PARVG: variants seen among roughly 807,000 people sequenced by gnomAD.
The protein encoded by PARVG is parvin gamma.
PARVG carries 36 observed loss-of-function variants against 44.4 expected under a neutral mutation model. That is an observed-to-expected ratio of 0.81 (90% CI 0.62 to 1.07). The LOEUF (loss-of-function observed/expected upper bound fraction) is 1.07, where lower values mean the gene tolerates loss of function less well. Ranked by LOEUF, PARVG falls within the 50% of genes least tolerant of loss-of-function variation. The pLI, the probability that PARVG is intolerant of heterozygous loss-of-function variation, is 0.00. For missense variants in PARVG, 407 were observed against 407.4 expected (o/e 1.00, Z 0.01); for synonymous variants, 170 against 174.1 (o/e 0.98, Z 0.19).
chr22:44,195,975 C>A, intron 9 of PARVG, 180 bp from the exon 10 acceptor site: 1 of 639,672 alleles, frequency 1.6e-6, no homozygotes, highest in Non-Finnish European at 2.7e-6. Context: ...TCCCCTGGGG[C>A]CACACGGCCA....
chr22:44,184,627 A>G (rs1254058040), intron 3 of PARVG: 3 of 152,284 alleles, frequency 2.0e-5, no homozygotes, highest in African/African-American at 7.2e-5. Context: ...GGCGTGAGCC[A>G]CTGCACCCAG....
At chr22:44,197,364 A>G (rs991427009) in intron 11 of PARVG, among the ~76,000 whole-genome samples, 15 of 152,186 alleles carry the variant, frequency 9.9e-5, no homozygotes, top group African/African-American at 3.4e-4. Flanking sequence ...TGAAGTGGGA[A>G]CTGTACTACC....
chr22:44,180,531 C>T (rs1316437913), upstream of PARVG, among the ~76,000 whole-genome samples: 2 of 152,150 alleles, frequency 1.3e-5, no homozygotes, highest in Non-Finnish European at 2.9e-5. Flanking sequence ...TGCACGGTGG[C>T]TTCTCTCCCC....
chr22:44,191,752 GC>G (rs1207784116), intron 7 of PARVG, among the ~76,000 whole-genome samples: 1 of 152,100 alleles, frequency 6.6e-6, no homozygotes, highest in Non-Finnish European at 1.5e-5. Context: ...CAGTTGTGTG[GC>G]TTGGTCTATA....
At chr22:44,189,451 T>A (rs1412875951) in intron 6 of PARVG, among the ~76,000 whole-genome samples, 197 bp downstream of exon 6, 1 of 152,116 alleles carries the variant, frequency 6.6e-6, no homozygotes, top group African/African-American at 2.4e-5. Context: ...CCAGCACACA[T>A]CTGTGCCCTA....
intron 4 of PARVG, chr22:44,187,299 T>C (rs532056571): frequency 6.9e-4 from 125 of 180,740 alleles, no homozygotes; most frequent in African/African-American, 2.8e-3. Context: ...TGTGGATGCA[T>C]CACTGCAGTC....
At chr22:44,188,038 A>T in intron 5 of PARVG, 160 bp downstream of exon 5, 1 of 746,028 alleles carries the variant, frequency 1.3e-6, no homozygotes, top group East Asian at 2.7e-5. Context: ...GGGGAGATGG[A>T]GGCGCTGTCC....
Position 44,182,915 on chromosome 22 carries a change from T to C in PARVG, c.-12-403T>C, listed in dbSNP as rs2054404254. 1.1e-5 allele frequency: 2 copies of C among 177,760 alleles called. No individual in the cohort carries two copies. Among genetic ancestry groups the C allele is most frequent in the South Asian group, 2.5e-4 (2 of 7,934 alleles). The allele number at this position is 177,760 out of a possible 1,614,324, so 11.0% of individuals were successfully genotyped here. A position where few individuals can be genotyped will look rare whatever the true frequency, so the allele number is the denominator to read the frequency against. On this transcript the variant is annotated intron_variant, in intron 2 of 13. Transcript: ENST00000444313. The surrounding 1 kb of genome is among the most constrained non-coding windows in gnomAD (Gnocchi z 4.6). The stretch of plus-strand genomic sequence containing the variant: ...CCCACACAGGCCGACCGGGGAGGTT[T>C]CCCTTGAGCTCAACCTGACAAGCTC...
chr22:44,174,996 C>T lies in PARVG; in HGVS notation c.-189+1805C>T, dbSNP rs1440839828. 2.0e-5 allele frequency among the ~76,000 whole-genome samples: 3 copies of T among 152,222 alleles called. No individual in the cohort carries two copies. The East Asian group carries it at 5.8e-4, about 29-fold the overall frequency. On this transcript the variant is annotated intron_variant, in intron 1 of 13. Transcript: ENST00000422871. ...AATTAGCTGGGCGTGGTGCCAGGCA[C>T]CTGTAATCCCAGCTACTAGGGAGGC...
At chr22:44,181,712 G>A (rs1025664396) in intron 1 of PARVG, 30 bp from the exon 2 acceptor site, 19 of 985,222 alleles carry the variant, frequency 1.9e-5, no homozygotes, top group Non-Finnish European at 2.2e-5. Context: ...TCACTTTCAC[G>A]GCATCCACCC....
At chr22:44,175,478 CA>C (rs2054310438) in intron 1 of PARVG, among the ~76,000 whole-genome samples, 1 of 152,270 alleles carries the variant, frequency 6.6e-6, no homozygotes, top group South Asian at 2.1e-4. Context: ...TGGGGTTGGG[CA>C]GCTCAGAATT....
At chr22:44,200,106 C>T (rs1046845228) in intron 12 of PARVG, among the ~76,000 whole-genome samples, 1 of 152,226 alleles carries the variant, frequency 6.6e-6, no homozygotes. Context: ...CCCCGCCAGG[C>T]CCCTGTGGTG....
rs1601726491 is a variant in PARVG, at chr22:44,181,748, G to A, written c.-182G>A. 1.0e-6 allele frequency: 1 copy of A among 985,468 alleles called. No homozygotes were observed. Among genetic ancestry groups the A allele is most frequent in the East Asian group, 1.1e-4 (1 of 8,808 alleles). The allele number at this position is 985,468 out of a possible 1,614,324, so 61.0% of individuals were successfully genotyped here. On this transcript the variant is annotated 5_prime_UTR_variant, in exon 2 of 14. Coordinates refer to ENST00000444313, the MANE Select transcript of PARVG (RefSeq NM_022141.7). The stretch of plus-strand genomic sequence containing the variant: ...CCCTCGGGCCCTGCCGCAGAGAGGA[G>A]GAAGCTCCTGCCGGCTGAGCGGGCC...
intron 7 of PARVG, 26 bp downstream of exon 7, chr22:44,190,692 G>A: frequency 6.3e-7 from 1 of 1,575,750 alleles, no homozygotes; most frequent in South Asian, 1.1e-5. Flanking sequence ...CCAGGGATTT[G>A]TAAGCAGAAG....
At chr22:44,198,922 CTA>C (rs2054658031) in intron 12 of PARVG, among the ~76,000 whole-genome samples, 200 bp downstream of exon 12, 1 of 90,252 alleles carries the variant, frequency 1.1e-5, no homozygotes, top group African/African-American at 3.6e-5. Context: ...ATCCATCCAT[CTA>C]CCCATCCATC....
intron 12 of PARVG, among the ~76,000 whole-genome samples, chr22:44,204,874 C>G (rs1047294597): frequency 3.3e-5 from 5 of 152,186 alleles, no homozygotes; most frequent in African/African-American, 1.2e-4. Context: ...AGGGCTGGGA[C>G]CTACTCTGCT....
At position 44,181,806 on chromosome 22, in the gene PARVG, C is replaced by G. The variant is rs941896487; in HGVS notation, c.-124C>G. 2.0e-6 allele frequency: 2 copies of G among 985,354 alleles called. No homozygotes were observed. Among genetic ancestry groups the G allele is most frequent in the South Asian group, 4.7e-5 (1 of 21,294 alleles). The allele number at this position is 985,354 out of a possible 1,614,324, so 61.0% of individuals were successfully genotyped here. A position where few individuals can be genotyped will look rare whatever the true frequency, so the allele number is the denominator to read the frequency against. ...AGTGAGCAGCGGGGCTCCTGCCTCC[C>G]GGCCTGGTCCCCGAAGACCCCAGAA... is the stretch of plus-strand genomic sequence containing the variant. On this transcript the variant is annotated 5_prime_UTR_variant, in exon 2 of 14. Coordinates refer to ENST00000444313, the MANE Select transcript of PARVG (RefSeq NM_022141.7).
chr22:44,188,603 T>A (rs2054506878), intron 5 of PARVG: 1 of 163,556 alleles, frequency 6.1e-6, no homozygotes, highest in African/African-American at 2.4e-5. Context: ...GCAGGTGCAG[T>A]TCATCCTCAG....
In PARVG at chr22:44,196,150, T is replaced by A. The variant is rs571194661; in HGVS notation, c.584-5T>A. On this transcript the variant is annotated splice_polypyrimidine_tract_variant and splice_region_variant and intron_variant, in intron 9 of 13. Transcript: ENST00000444313. ...ATGAGGTGTTTATTGGATCTGTGTC[T>A]GCAGAGGACGTCTTTGATGAATTAT... The A allele has an allele frequency of 6.2e-7, 1 of 1,614,186 alleles. No individual in the cohort carries two copies. Among genetic ancestry groups the A allele is most frequent in the Non-Finnish European group, 8.5e-7 (1 of 1,179,996 alleles).
Sources: gnomAD v4.1 joint callset for allele counts (sites outside exome capture counted in the v4.1 genomes callset) on GRCh38, gnomAD v4.1.1 for gene constraint, Gnocchi (gnomAD v3.1) non-coding constraint, MANE v1.5 for transcripts, NCBI Gene and HGNC (gene_info 2026-07-23, HGNC 2026-07-21) for gene names.